The following ELL2 variants were observed in gnomAD, a reference collection of about 807,000 sequenced individuals.
ELL2 encodes the protein elongation factor for RNA polymerase II 2.
Under a neutral mutation model 72.8 loss-of-function variants are expected in ELL2, and 21 were observed. The observed-to-expected ratio is 0.29, with a 90% CI of 0.20 to 0.42. The LOEUF (loss-of-function observed/expected upper bound fraction) is 0.42. ELL2 is among the 10% of genes least tolerant of loss of function. ELL2 has a pLI of 1.00. For synonymous variants in ELL2, 266 were observed against 283.2 expected, an observed-to-expected ratio of 0.94 and a Z score of 0.61; for missense variants, 568 against 772.8, an observed-to-expected ratio of 0.73 and a Z score of 3.14.
chr5:95,956,957 T>C (rs1050472909), intron 1 of ELL2, among the ~76,000 whole-genome samples: 3 of 151,998 alleles, frequency 2.0e-5, no homozygotes, highest in Non-Finnish European at 2.9e-5. Flanking sequence ...TCCAATGGAG[T>C]TGACAAGAGA....
At chr5:95,924,138 C>T (rs912880659) in intron 2 of ELL2, among the ~76,000 whole-genome samples, 1 of 152,316 alleles carries the variant, frequency 6.6e-6, no homozygotes, top group African/African-American at 2.4e-5. Flanking sequence ...GAGACCTTGT[C>T]TAATCTAGAG....
intron 1 of ELL2, among the ~76,000 whole-genome samples, chr5:95,951,110 C>A (rs550237200): frequency 2.6e-5 from 4 of 151,726 alleles, no homozygotes; most frequent in Admixed American, 6.6e-5. Context: ...TGGCTCACAC[C>A]TGTAATCCCA....
intron 1 of ELL2, among the ~76,000 whole-genome samples, chr5:95,956,338 G>C (rs1751627043): frequency 6.6e-6 from 1 of 152,166 alleles, no homozygotes; most frequent in Non-Finnish European, 1.5e-5. Context: ...GACTTTACTT[G>C]ATAAAAAGCA....
At chr5:95,942,704 C>T (rs1222595825) in intron 2 of ELL2, among the ~76,000 whole-genome samples, 1 of 152,120 alleles carries the variant, frequency 6.6e-6, no homozygotes, top group Non-Finnish European at 1.5e-5. Context: ...ATAATACATA[C>T]TCACATAATA....
chr5:95,960,490 A>T (rs1468209548), intron 1 of ELL2, among the ~76,000 whole-genome samples: 1 of 151,380 alleles, frequency 6.6e-6, no homozygotes, highest in Non-Finnish European at 1.5e-5. Flanking sequence ...CGCCTATCTG[A>T]GCCTCTCTCT....
At chr5:95,909,178 CAAGAAAGT>C in intron 4 of ELL2, among the ~76,000 whole-genome samples, 1 of 152,254 alleles carries the variant, frequency 6.6e-6, no homozygotes, top group African/African-American at 2.4e-5. Flanking sequence ...TGATGTTTGG[CAAGAAAGT>C]AAGAGCCTGA....
At chr5:95,935,513 A>T (rs1284874869) in intron 2 of ELL2, among the ~76,000 whole-genome samples, 1 of 152,164 alleles carries the variant, frequency 6.6e-6, no homozygotes, top group Non-Finnish European at 1.5e-5. Context: ...TTCATCTGTA[A>T]ATCTACCTTT....
intron 5 of ELL2, among the ~76,000 whole-genome samples, chr5:95,901,775 A>G (rs1749153012): frequency 6.6e-6 from 1 of 152,340 alleles, no homozygotes; most frequent in African/African-American, 2.4e-5. Flanking sequence ...GCATGTGTCC[A>G]GGTAACCCTT....
At chr5:95,889,240 T>C in intron 10 of ELL2, 110 bp from the exon 11 acceptor site, 1 of 890,574 alleles carries the variant, frequency 1.1e-6, no homozygotes, top group Non-Finnish European at 1.7e-6. Context: ...ACTGTGGGAA[T>C]GTAACTTGAA....
intron 2 of ELL2, among the ~76,000 whole-genome samples, chr5:95,938,836 T>G (rs913194809): frequency 6.6e-6 from 1 of 152,212 alleles, no homozygotes; most frequent in Non-Finnish European, 1.5e-5. Flanking sequence ...TTAAGAATAA[T>G]ATTCTCATAA....
chr5:95,894,266 T>C (rs377213718), intron 9 of ELL2, among the ~76,000 whole-genome samples: 1 of 152,164 alleles, frequency 6.6e-6, no homozygotes, highest in African/African-American at 2.4e-5. Flanking sequence ...GGGGATTAAC[T>C]AATGAACTTG....
chr5:95,927,611 G>A (rs536219380), intron 2 of ELL2, among the ~76,000 whole-genome samples: 1 of 26,490 alleles, frequency 3.8e-5, no homozygotes, highest in East Asian at 7.6e-3. Flanking sequence ...ACACACACAC[G>A]TGTGTATATA....
chr5:95,958,178 T>TC (rs1030147359), intron 1 of ELL2, among the ~76,000 whole-genome samples: 16 of 151,998 alleles, frequency 1.1e-4, no homozygotes, highest in Admixed American at 2.0e-4. Flanking sequence ...AAAACCATTT[T>TC]CCCCCCAGAG....
At chr5:95,906,252 C>T (rs904004464) in intron 5 of ELL2, among the ~76,000 whole-genome samples, 1 of 152,116 alleles carries the variant, frequency 6.6e-6, no homozygotes, top group African/African-American at 2.4e-5. Flanking sequence ...AGATAACAAA[C>T]ACTTCTTACT....
chr5:95,890,994 G>A lies in ELL2; in HGVS notation c.1761+109C>T, dbSNP rs959791313. On this transcript the variant is annotated intron_variant, in intron 10 of 11. Coordinates refer to ENST00000237853, the MANE Select transcript of ELL2 (RefSeq NM_012081.6). ...CCTAAAGCAGCAGCGAGGCTGGTCT[G>A]CAAGAGTACTTACTCTAAAGGCCAC... 3.9e-6 allele frequency: 5 copies of A among 1,298,494 alleles called. No homozygotes were observed. In the African/African-American group the frequency reaches 4.4e-5, roughly 11 times the overall value. The allele number at this position is 1,298,494 out of a possible 1,614,324, so 80.4% of individuals were successfully genotyped here. A position where few individuals can be genotyped will look rare whatever the true frequency, so the allele number is the denominator to read the frequency against.
chr5:95,924,194 C>CAGGAA (rs1265713909), intron 2 of ELL2, among the ~76,000 whole-genome samples: 1 of 152,114 alleles, frequency 6.6e-6, no homozygotes, highest in African/African-American at 2.4e-5. Context: ...TGCGTCAGTC[C>CAGGAA]CCTCTGATAT....
chr5:95,961,073 C>A (rs1308316527), intron 1 of ELL2, among the ~76,000 whole-genome samples: 1 of 147,118 alleles, frequency 6.8e-6, no homozygotes, highest in Non-Finnish European at 1.5e-5. Flanking sequence ...AATACAAGGT[C>A]CCACCCCCAC....
At chr5:95,952,810 G>A (rs1751468579) in intron 1 of ELL2, among the ~76,000 whole-genome samples, 1 of 152,234 alleles carries the variant, frequency 6.6e-6, no homozygotes, top group Admixed American at 6.5e-5. Flanking sequence ...AAATTCAAAG[G>A]ACTAAATGAA....
At chr5:95,943,355 C>T (rs1751042134) in intron 1 of ELL2, among the ~76,000 whole-genome samples, 3 of 152,060 alleles carry the variant, frequency 2.0e-5, no homozygotes, top group Admixed American at 2.0e-4. Context: ...CTTTCTTTTG[C>T]ATGTTACTAT....
Sources: gnomAD v4.1 joint callset for allele counts (sites outside exome capture counted in the v4.1 genomes callset) on GRCh38, gnomAD v4.1.1 for gene constraint, MANE v1.5 for transcripts, NCBI Gene and HGNC (gene_info 2026-07-23, HGNC 2026-07-21) for gene names.